Variants in STX2 observed in about 807,000 individuals in gnomAD.
The protein encoded by STX2 is syntaxin-2.
In STX2, 27 loss-of-function variants were observed where a neutral mutation model predicts 40.6. The ratio of observed to expected loss-of-function variants is 0.66; its 90% CI spans 0.49 to 0.92. STX2 has a LOEUF of 0.92. STX2 is among the 40% of genes least tolerant of loss of function. STX2 has a pLI of 0.00. For missense variants in STX2, 328 were observed against 366.1 expected (o/e 0.90, Z 0.85); for synonymous variants, 123 against 119.1 (o/e 1.03, Z -0.22).
intron 3 of STX2, among the ~76,000 whole-genome samples, chr12:130,818,387 G>A (rs1158739361): frequency 1.3e-5 from 2 of 150,302 alleles, no homozygotes; most frequent in East Asian, 3.9e-4. Context: ...AGGGTGGGGG[G>A]GAGAGGGCGG....
chr12:130,805,507 A>C (rs907754543), intron 6 of STX2, among the ~76,000 whole-genome samples: 1 of 152,210 alleles, frequency 6.6e-6, no homozygotes, highest in African/African-American at 2.4e-5. Context: ...AGAGATGCAG[A>C]GAGCGAGCTG....
intron 3 of STX2, among the ~76,000 whole-genome samples, chr12:130,821,257 T>C (rs1021926322): frequency 1.2e-4 from 19 of 152,220 alleles, no homozygotes; most frequent in Non-Finnish European, 2.9e-5. Context: ...GCACAGTCCA[T>C]ACAAAAGCTC....
At chr12:130,821,340 C>T (rs1952106584) in intron 3 of STX2, among the ~76,000 whole-genome samples, 1 of 152,230 alleles carries the variant, frequency 6.6e-6, no homozygotes, top group Admixed American at 6.5e-5. Flanking sequence ...TTTTCCAAAT[C>T]AATCCCTGAT....
intron 3 of STX2, among the ~76,000 whole-genome samples, chr12:130,817,898 G>A (rs200724719): frequency 7.1e-6 from 1 of 140,924 alleles, no homozygotes; most frequent in Non-Finnish European, 1.6e-5. Flanking sequence ...TAAGAAGGAA[G>A]GGGAGAGGAA....
At chr12:130,807,915 A>G (rs947716195) in intron 5 of STX2, among the ~76,000 whole-genome samples, 3 of 152,182 alleles carry the variant, frequency 2.0e-5, no homozygotes, top group Admixed American at 1.3e-4. Flanking sequence ...AAGGCCGCAC[A>G]TCGCCCCAGC....
chr12:130,808,826 A>G, intron 4 of STX2, 122 bp from the exon 5 acceptor site: 1 of 821,116 alleles, frequency 1.2e-6, no homozygotes, highest in South Asian at 1.7e-5. Context: ...GCTAATGAAC[A>G]AGTGACCTTC....
intron 10 of STX2, among the ~76,000 whole-genome samples, chr12:130,794,291 C>A (rs1164971072): frequency 6.6e-6 from 1 of 152,028 alleles, no homozygotes. Flanking sequence ...AATAAACATC[C>A]TACACAAACA....
In STX2 at chr12:130,798,621, G is replaced by A. The variant is rs1282704183; in HGVS notation, c.690C>T (p.Asn230=). The A allele has an allele frequency of 1.9e-6, 3 of 1,591,220 alleles. No homozygotes were observed. The highest frequency in any genetic ancestry group is 4.6e-5 in the East Asian group (2 of 43,364). ...CATTCATAACATTTCTTTCTATGTT[G>A]TTGATCATTTCACCCTTAAAACAAA... ...MFVETQGEMI[N]NIERNVMNAT... is the part of the protein sequence containing the mutation. The change falls in exon 9 of 11, where the codon AAC becomes AAT. Residue 230 remains asparagine (N), a synonymous_variant. Coordinates refer to ENST00000392373, the MANE Select transcript of STX2 (RefSeq NM_194356.4).
rs1951108523 is a variant in STX2, at chr12:130,798,601, A to G, written c.710T>C (p.Met237Thr). The G allele has an allele frequency of 1.9e-6, 3 of 1,601,986 alleles. No individual in the cohort carries two copies. The highest frequency in any genetic ancestry group is 1.1e-5 in the South Asian group (1 of 88,234). The change falls in exon 9 of 11, where the codon ATG becomes ACG. Residue 237 changes from methionine (M) to threonine (T), a missense_variant. Physicochemically the swap from Met to Thr is moderately conservative, Grantham distance 81 (BLOSUM62 -1). Transcript: ENST00000392373. Reference protein sequence around the residue: ...EMINNIERNVMNATDYVEHAK... With the variant: ...EMINNIERNVTNATDYVEHAK... ...GTGTTCTACATAGTCTGTGGCATTC[A>G]TAACATTTCTTTCTATGTTGTTGAT... is the stretch of plus-strand genomic sequence containing the variant.
At chr12:130,809,707 C>G (rs1951575541) in intron 4 of STX2, among the ~76,000 whole-genome samples, 1 of 152,144 alleles carries the variant, frequency 6.6e-6, no homozygotes, top group African/African-American at 2.4e-5. Flanking sequence ...ATCCCAGCTA[C>G]TCGGGAGGCT....
chr12:130,826,310 C>T (rs556897597), intron 2 of STX2, among the ~76,000 whole-genome samples: 11 of 152,338 alleles, frequency 7.2e-5, no homozygotes, highest in Admixed American at 2.6e-4. Context: ...TCCTGAAGAA[C>T]CAAGGAGGCC....
chr12:130,833,838 A>C (rs1472543300), intron 1 of STX2, among the ~76,000 whole-genome samples: 1 of 152,186 alleles, frequency 6.6e-6, no homozygotes, highest in Non-Finnish European at 1.5e-5. Flanking sequence ...GGCATTTTCA[A>C]ATGGAAACAG....
At chr12:130,794,776 G>A (rs990477424) in intron 10 of STX2, among the ~76,000 whole-genome samples, 14 of 152,146 alleles carry the variant, frequency 9.2e-5, no homozygotes, top group African/African-American at 3.4e-4. Flanking sequence ...ATTCCTTTCT[G>A]CTGTATGTTA....
At chr12:130,801,082 C>CAA in intron 8 of STX2, 71 bp downstream of exon 8, 1 of 1,506,856 alleles carries the variant, frequency 6.6e-7, no homozygotes, top group East Asian at 2.3e-5. Context: ...ATCCACTAGA[C>CAA]AGAGTGGGAT....
chr12:130,833,515 A>G (rs541170865), intron 1 of STX2, among the ~76,000 whole-genome samples: 35 of 148,404 alleles, frequency 2.4e-4, no homozygotes, highest in East Asian at 5.9e-4. Context: ...GGTTCCAGCT[A>G]TTCTCTCACC....
In STX2 at chr12:130,839,208, C is replaced by A. The variant is rs1049687848; in HGVS notation, c.-109G>T. 4 of 981,232 alleles carry A rather than the reference C, an allele frequency of 4.1e-6. No individual in the cohort carries two copies. Among genetic ancestry groups the A allele is most frequent in the South Asian group, 4.7e-5 (1 of 21,112 alleles). The allele number at this position is 981,232 out of a possible 1,614,324, so 60.8% of individuals were successfully genotyped here. A position where few individuals can be genotyped will look rare whatever the true frequency, so the allele number is the denominator to read the frequency against. ...CTCAGGCCCCGCGGTCCCGGCCCGGCGCCAGCAGCCCTCCCTGGAGCCGGC... is the reference window on the plus strand; with the variant it reads ...CTCAGGCCCCGCGGTCCCGGCCCGGAGCCAGCAGCCCTCCCTGGAGCCGGC... On this transcript the variant is annotated 5_prime_UTR_variant, in exon 1 of 11. Coordinates refer to ENST00000392373, the MANE Select transcript of STX2 (RefSeq NM_194356.4).
chr12:130,837,970 CCA>C (rs1952801400), intron 1 of STX2, among the ~76,000 whole-genome samples: 1 of 152,220 alleles, frequency 6.6e-6, no homozygotes, highest in African/African-American at 2.4e-5. Flanking sequence ...CTCATCTGAA[CCA>C]CAGAACACAG....
intron 1 of STX2, among the ~76,000 whole-genome samples, chr12:130,835,647 C>T (rs923130285): frequency 6.6e-6 from 1 of 152,086 alleles, no homozygotes; most frequent in Non-Finnish European, 1.5e-5. Context: ...TGCATGCATC[C>T]CCACCCACGC....
chr12:130,803,321 C>A (rs901333220), intron 6 of STX2, among the ~76,000 whole-genome samples: 7 of 152,090 alleles, frequency 4.6e-5, no homozygotes, highest in African/African-American at 1.7e-4. Flanking sequence ...GGCAACACAG[C>A]AAGACCCTAT....
Sources: gnomAD v4.1 joint callset for allele counts (sites outside exome capture counted in the v4.1 genomes callset) on GRCh38, gnomAD v4.1.1 for gene constraint, MANE v1.5 for transcripts, NCBI Gene and HGNC (gene_info 2026-07-23, HGNC 2026-07-21) for gene names.